Variants in PCDHGB3 observed in about 807,000 individuals in gnomAD.
PCDHGB3 encodes the protein protocadherin gamma-B3.
PCDHGB3 carries 40 observed loss-of-function variants against 59.2 expected under a neutral mutation model. The ratio of observed to expected loss-of-function variants is 0.68; its 90% CI spans 0.52 to 0.88. PCDHGB3 has a LOEUF of 0.88. Ranked by LOEUF, PCDHGB3 falls within the 40% of genes least tolerant of loss-of-function variation. The probability of loss-of-function intolerance (pLI) is 0.00; values close to 1 mark genes in which losing one functional copy is unlikely to be tolerated. For synonymous variants in PCDHGB3, 581 were observed against 503.6 expected (o/e 1.15, Z -2.06); for missense variants, 1,309 against 1,187.9 (o/e 1.10, Z -1.50).
intron 3 of PCDHGB3, 73 bp from the exon 4 acceptor site, chr5:141,510,874 G>C: frequency 6.2e-7 from 1 of 1,610,126 alleles, no homozygotes; most frequent in Non-Finnish European, 8.5e-7. Context: ...TTCATTAACT[G>C]CTGGGGATAT....
chr5:141,390,002 T>A (rs1263938438), intron 1 of PCDHGB3: 1 of 1,614,038 alleles, frequency 6.2e-7, no homozygotes, highest in East Asian at 2.2e-5. Context: ...TGGCCATGAT[T>A]CTGGCCATTG....
In PCDHGB3 at chr5:141,372,752, T is replaced by C. The variant is rs746659165; in HGVS notation, c.2358T>C (p.Ser786=). The C allele has an allele frequency of 5.6e-6, 9 of 1,613,300 alleles. No homozygotes were observed. The highest frequency in any genetic ancestry group is 7.6e-6 in the Non-Finnish European group (9 of 1,179,514). ...APQDLLCDEA[S]WFESNDNPEM... ...AAGATCTTCTATGTGATGAAGCCTC[T>C]TGGTTTGAAAGTAATGACAATCCAG... Residue 786 remains serine (S), a synonymous_variant, in exon 1 of 4, where the codon TCT becomes TCC. Transcript: ENST00000576222.
chr5:141,455,798 T>TA (rs2098831882), intron 1 of PCDHGB3, among the ~76,000 whole-genome samples: 1 of 152,036 alleles, frequency 6.6e-6, no homozygotes, highest in African/African-American at 2.4e-5. Flanking sequence ...GGAGATGCTT[T>TA]AAAAAATGAA....
intron 1 of PCDHGB3, chr5:141,413,388 C>G (rs765673305): frequency 6.2e-7 from 1 of 1,613,894 alleles, no homozygotes; most frequent in African/African-American, 1.3e-5. Context: ...TCCGCATAGT[C>G]TCCAGAGGTA....
intron 1 of PCDHGB3, chr5:141,478,684 T>C: frequency 6.4e-7 from 1 of 1,551,340 alleles, no homozygotes; most frequent in Non-Finnish European, 8.7e-7. Flanking sequence ...TGGCCCTTCC[T>C]AGATCAAAGT....
intron 1 of PCDHGB3, chr5:141,382,944 G>T (rs375823415): frequency 7.9e-5 from 126 of 1,596,768 alleles, no homozygotes; most frequent in Non-Finnish European, 1.0e-4. Flanking sequence ...GATTCTTCCT[G>T]CTCTCCATCC....
At chr5:141,375,216 T>G in intron 1 of PCDHGB3, 1 of 1,614,014 alleles carries the variant, frequency 6.2e-7, no homozygotes, top group Non-Finnish European at 8.5e-7. Flanking sequence ...GACTCTGGCC[T>G]GAATGGCCTG....
intron 1 of PCDHGB3, chr5:141,398,960 C>A (rs779158655): frequency 3.1e-6 from 5 of 1,613,986 alleles, no homozygotes. Flanking sequence ...TCAGAAATTA[C>A]TTATTCCTTC....
intron 1 of PCDHGB3, chr5:141,418,445 T>C (rs2154547687): frequency 2.5e-6 from 4 of 1,614,038 alleles, no homozygotes; most frequent in East Asian, 2.2e-5. Context: ...AGAATTAGTA[T>C]TGCAGAAGAC....
At chr5:141,426,986 C>A (rs764345099) in intron 1 of PCDHGB3, 6 of 456,618 alleles carry the variant, frequency 1.3e-5, no homozygotes, top group Non-Finnish European at 2.2e-5. Flanking sequence ...CTGATGCCAA[C>A]GATAATGCCC....
At chr5:141,456,142 C>A (rs1258425044) in intron 1 of PCDHGB3, among the ~76,000 whole-genome samples, 1 of 152,052 alleles carries the variant, frequency 6.6e-6, no homozygotes, top group Non-Finnish European at 1.5e-5. Flanking sequence ...CCTGATCCGC[C>A]CGCCTCGGCC....
At chr5:141,454,311 T>C (rs755771201) in intron 1 of PCDHGB3, among the ~76,000 whole-genome samples, 1 of 152,216 alleles carries the variant, frequency 6.6e-6, no homozygotes, top group Non-Finnish European at 1.5e-5. Context: ...TTTCAAAGCA[T>C]TGAAACCTCC....
intron 2 of PCDHGB3, among the ~76,000 whole-genome samples, chr5:141,502,988 C>A (rs1285178746): frequency 6.7e-6 from 1 of 150,346 alleles, no homozygotes; most frequent in Non-Finnish European, 1.5e-5. Flanking sequence ...GGATTACAGG[C>A]GTGTGCCACC....
At chr5:141,398,670 A>T in intron 1 of PCDHGB3, 1 of 1,613,830 alleles carries the variant, frequency 6.2e-7, no homozygotes, top group Non-Finnish European at 8.5e-7. Flanking sequence ...TCTCATTAAT[A>T]ATTAAGGAGA....
At chr5:141,374,094 C>T (rs544125570) in intron 1 of PCDHGB3, 19 of 1,555,744 alleles carry the variant, frequency 1.2e-5, no homozygotes, top group Non-Finnish European at 1.7e-5. Flanking sequence ...ATGGCGCCTC[C>T]GCAGAGGCAT....
intron 1 of PCDHGB3, among the ~76,000 whole-genome samples, chr5:141,482,141 A>C (rs1302783884): frequency 6.6e-6 from 1 of 152,116 alleles, no homozygotes; most frequent in African/African-American, 2.4e-5. Flanking sequence ...GCTGGCATAA[A>C]AAGGTCAAGT....
intron 1 of PCDHGB3, among the ~76,000 whole-genome samples, chr5:141,381,590 A>G (rs1588902211): frequency 6.6e-6 from 1 of 152,194 alleles, no homozygotes; most frequent in South Asian, 2.1e-4. Context: ...TCCATTATCC[A>G]GTTTCTTATG....
chr5:141,388,520 G>T, intron 1 of PCDHGB3: 1 of 1,613,822 alleles, frequency 6.2e-7, no homozygotes, highest in Admixed American at 1.7e-5. Flanking sequence ...ACTTGACTTT[G>T]ACTGCCTTGG....
In PCDHGB3 at chr5:141,489,574, C is replaced by T. The variant is rs963768096; in HGVS notation, c.2416-5233C>T. The T allele has an allele frequency of 2.5e-6, 4 of 1,613,978 alleles. No homozygotes were observed. The highest frequency in any genetic ancestry group is 3.4e-6 in the Non-Finnish European group (4 of 1,180,014). ...GCTGCCAGTGCAGGTGGTGACTGAA[C>T]ACCCCCTGGAGCTAATCCGTGTAGA... On this transcript the variant is annotated intron_variant, in intron 1 of 3. Coordinates refer to ENST00000576222, the MANE Select transcript of PCDHGB3 (RefSeq NM_018924.5). This position sits in a 1 kb window ranked among gnomAD's most constrained non-coding sequence, Gnocchi z 4.5.
Sources: allele counts gnomAD v4.1 joint callset (sites outside exome capture counted in the v4.1 genomes callset), GRCh38; gene constraint gnomAD v4.1.1; non-coding constraint Gnocchi (gnomAD v3.1); transcripts MANE v1.5; gene names NCBI Gene and HGNC (gene_info 2026-07-23, HGNC 2026-07-21).